The following EFCAB8 variants were observed in gnomAD, a reference collection of about 807,000 sequenced individuals.
The protein encoded by EFCAB8 is EF-hand calcium-binding domain-containing protein 8.
In EFCAB8, 100 loss-of-function variants were observed where a neutral mutation model predicts 116.3. The observed-to-expected ratio is 0.86, with a 90% CI of 0.73 to 1.02. The LOEUF is 1.02. EFCAB8 is among the 50% of genes least tolerant of loss of function. The pLI is 0.00. For missense variants in EFCAB8, 1,320 were observed against 1,416.9 expected, an observed-to-expected ratio of 0.93 and a Z score of 1.10; for synonymous variants, 558 against 567.9, an observed-to-expected ratio of 0.98 and a Z score of 0.25.
chr20:32,960,256 C>A, intron 26 of EFCAB8, 95 bp downstream of exon 26: 1 of 1,150,768 alleles, frequency 8.7e-7, no homozygotes, highest in Non-Finnish European at 1.3e-6. Flanking sequence ...CACAGCCCTT[C>A]AGTGAGGGTG....
At chr20:32,866,809 C>G (rs1984433136) in intron 2 of EFCAB8, among the ~76,000 whole-genome samples, 1 of 145,436 alleles carries the variant, frequency 6.9e-6, no homozygotes, top group Admixed American at 6.8e-5. Flanking sequence ...CCCTCCCTCC[C>G]TCTCTTCCTT....
chr20:32,894,048 C>T (rs1986045729), intron 9 of EFCAB8, among the ~76,000 whole-genome samples: 1 of 152,198 alleles, frequency 6.6e-6, no homozygotes. Context: ...TGGAGCTGTT[C>T]TGCCCAGGTC....
At position 32,930,366 on chromosome 20, in the gene EFCAB8, C is replaced by G. The variant is rs1020405879; in HGVS notation, c.2413-32C>G. ...GCACCATGTGACAGTGGCTCACAGC[C>G]CTGCTGAGCCGGGCCCTCCTCTCTT... On this transcript the variant is annotated intron_variant, in intron 20 of 26. Coordinates refer to ENST00000400522, the MANE Select transcript of EFCAB8 (RefSeq NM_001143967.2). 5.9e-6 allele frequency: 9 copies of G among 1,533,926 alleles called. No homozygotes were observed. The East Asian group carries it at 2.2e-4, about 38-fold the overall frequency.
At chr20:32,912,550 A>G (rs185695352) in intron 16 of EFCAB8, among the ~76,000 whole-genome samples, 171 of 152,044 alleles carry the variant, frequency 1.1e-3, no homozygotes, top group African/African-American at 3.9e-3. Flanking sequence ...TCACTTGCCC[A>G]TTTCCCAGCT....
At chr20:32,887,146 C>A (rs1201622162) in intron 6 of EFCAB8, among the ~76,000 whole-genome samples, 38 of 152,204 alleles carry the variant, frequency 2.5e-4, no homozygotes, top group Admixed American at 2.5e-3. Context: ...CTCCTCTCTG[C>A]CCCTGCCTTC....
chr20:32,943,752 C>T lies in EFCAB8; in HGVS notation c.2907C>T (p.Ser969=), dbSNP rs1309549324. The part of the protein sequence containing the change: ...LYVDNFQLVI[S]AGQDRDVKAW... The stretch of plus-strand genomic sequence containing the variant: ...TGGACAACTTCCAGCTGGTTATCAG[C>T]GCTGGCCAGGACCGGGACGTCAAGG... The change falls in exon 23 of 27, where the codon AGC becomes AGT. Residue 969 remains serine (S), a synonymous_variant. Transcript: ENST00000400522. 4.8e-6 allele frequency: 2 copies of T among 416,776 alleles called. No individual in the cohort carries two copies. Among genetic ancestry groups the T allele is most frequent in the Non-Finnish European group, 4.4e-6 (1 of 226,424 alleles). 25.8% of individuals were successfully genotyped at this position (416,776 alleles called of 1,614,324 possible).
intron 22 of EFCAB8, among the ~76,000 whole-genome samples, chr20:32,936,986 A>T (rs183337034): frequency 6.6e-5 from 10 of 152,240 alleles, no homozygotes; most frequent in Admixed American, 3.9e-4. Context: ...ACAATGTTTT[A>T]GTTTCCAGTG....
In EFCAB8 at chr20:32,950,014, C is replaced by A. The variant is rs56175651; in HGVS notation, c.2959+6210C>A. On this transcript the variant is annotated intron_variant, in intron 23 of 26. Transcript: ENST00000400522. ...GACTCTGTCTCAAAAACAAACAAAA[C>A]AACAAAACAACAACAACAACAACAA... Among the ~76,000 whole-genome samples, 496 of 50,688 alleles carry A rather than the reference C, an allele frequency of 9.8e-3. 1 individual carries two copies. Among genetic ancestry groups the A allele is most frequent in the African/African-American group, 0.043 (479 of 11,110 alleles). 33.3% of individuals were successfully genotyped at this position (50,688 alleles called of 152,430 possible).
At chr20:32,885,026 CTT>C (rs1259147929) in intron 5 of EFCAB8, among the ~76,000 whole-genome samples, 1 of 152,228 alleles carries the variant, frequency 6.6e-6, no homozygotes, top group Non-Finnish European at 1.5e-5. Flanking sequence ...TCCTTGTCCA[CTT>C]TGATTTCATC....
At chr20:32,917,253 C>A in intron 17 of EFCAB8, 48 bp from the exon 18 acceptor site, 2 of 1,398,404 alleles carry the variant, frequency 1.4e-6, no homozygotes, top group Non-Finnish European at 2.0e-6. Context: ...ATGGATGGAG[C>A]ATTACAGGCT....
chr20:32,961,696 C>A lies in EFCAB8; in HGVS notation c.*87C>A. 2.4e-6 allele frequency: 2 copies of A among 824,276 alleles called. No individual in the cohort carries two copies. Among genetic ancestry groups the A allele is most frequent in the South Asian group, 1.2e-4 (2 of 17,312 alleles). 51.1% of individuals were successfully genotyped at this position (824,276 alleles called of 1,614,324 possible). A position where few individuals can be genotyped will look rare whatever the true frequency, so the allele number is the denominator to read the frequency against. On this transcript the variant is annotated 3_prime_UTR_variant, in exon 27 of 27. Coordinates refer to ENST00000400522, the MANE Select transcript of EFCAB8 (RefSeq NM_001143967.2). Reference sequence around the variant, plus strand: ...GTTCTCGGCTTATTCCCTACCAGACCCAGAGGATGTGGCTCTTCCCCCGGC... The same window carrying A: ...GTTCTCGGCTTATTCCCTACCAGACACAGAGGATGTGGCTCTTCCCCCGGC...
chr20:32,911,729 C>T (rs1445004982), intron 16 of EFCAB8, 22 bp downstream of exon 16: 5 of 1,549,618 alleles, frequency 3.2e-6, no homozygotes, highest in East Asian at 2.4e-5. Flanking sequence ...TTGTCAATTA[C>T]AGCCAGGGAC....
chr20:32,905,379 G>T (rs1021901253), intron 11 of EFCAB8, among the ~76,000 whole-genome samples: 4 of 152,076 alleles, frequency 2.6e-5, no homozygotes, highest in African/African-American at 9.7e-5. Flanking sequence ...ATGAAGAATG[G>T]ACGGTCATGC....
intron 17 of EFCAB8, among the ~76,000 whole-genome samples, chr20:32,914,421 AT>A (rs1600418781): frequency 1.3e-5 from 2 of 152,268 alleles, no homozygotes; most frequent in South Asian, 4.2e-4. Flanking sequence ...GGGTTGGCTG[AT>A]CCATACTAAT....
In EFCAB8 at chr20:32,895,851, G is replaced by A. The variant is rs758634947; in HGVS notation, c.884-603G>A. On this transcript the variant is annotated intron_variant, in intron 9 of 26. Coordinates refer to ENST00000400522, the MANE Select transcript of EFCAB8 (RefSeq NM_001143967.2). ...CTCCCAAAGTGCTGGGATTACAGGC[G>A]TGAGCCACCGTGCCTGGCCCAGGCT... 6.6e-5 allele frequency among the ~76,000 whole-genome samples: 10 copies of A among 152,046 alleles called. No homozygotes were observed. The South Asian group carries it at 1.0e-3, about 16-fold the overall frequency.
chr20:32,878,460 T>TG (rs1370026735), intron 4 of EFCAB8, among the ~76,000 whole-genome samples: 2 of 149,608 alleles, frequency 1.3e-5, no homozygotes, highest in Non-Finnish European at 3.0e-5. Context: ...CGGAAGGGCC[T>TG]GGGAGAGATG....
intron 24 of EFCAB8, 133 bp downstream of exon 24, chr20:32,958,683 G>A (rs1989048084): frequency 2.5e-6 from 1 of 396,386 alleles, no homozygotes; most frequent in Non-Finnish European, 4.5e-6. Context: ...CAGAAGGCCA[G>A]AGGCTTGAGG....
At chr20:32,859,763 A>G (rs144843134) in intron 1 of EFCAB8, among the ~76,000 whole-genome samples, 2,571 of 152,298 alleles carry the variant, frequency 0.017, 35 homozygotes, top group Middle Eastern at 0.085. Flanking sequence ...TTCAGTGTAC[A>G]TTTCCTGAAA....
Position 32,898,546 on chromosome 20 carries a change from G to A in EFCAB8, c.1011G>A (p.Val337=), listed in dbSNP as rs1986273887. The A allele has an allele frequency of 1.4e-6, 1 of 718,530 alleles. No homozygotes were observed. Among genetic ancestry groups the A allele is most frequent in the African/African-American group, 1.7e-5 (1 of 57,254 alleles). The allele number at this position is 718,530 out of a possible 1,614,324, so 44.5% of individuals were successfully genotyped here. A position where few individuals can be genotyped will look rare whatever the true frequency, so the allele number is the denominator to read the frequency against. ...TCAAGTTCATCCCCCAGATGAATGT[G>A]GTAGTCTCCTGTTCAGCCATCGAGA... ...EQVKFIPQMN[V]VVSCSAIEKS... is the part of the protein sequence containing the mutation. The change falls in exon 11 of 27, where the codon GTG becomes GTA. Residue 337 remains valine (V), a synonymous_variant. Coordinates refer to ENST00000400522, the MANE Select transcript of EFCAB8 (RefSeq NM_001143967.2).
Sources: gnomAD v4.1 joint callset for allele counts (sites outside exome capture counted in the v4.1 genomes callset) on GRCh38, gnomAD v4.1.1 for gene constraint, MANE v1.5 for transcripts, NCBI Gene and HGNC (gene_info 2026-07-23, HGNC 2026-07-21) for gene names.